The following TENM1 variants were observed in gnomAD, a reference collection of about 807,000 sequenced individuals.
TENM1 encodes the protein teneurin transmembrane protein 1.
In TENM1, 35 loss-of-function variants were observed where a neutral mutation model predicts 174.8. That is an observed-to-expected ratio of 0.20 (90% CI 0.15 to 0.27). TENM1 has a LOEUF of 0.27. TENM1 is among the 10% of genes least tolerant of loss of function. The pLI, the probability that TENM1 is intolerant of heterozygous loss-of-function variation, is 1.00. For synonymous variants in TENM1, 781 were observed against 798.7 expected, an observed-to-expected ratio of 0.98 and a Z score of 0.37; for missense variants, 1,633 against 2,130.1, an observed-to-expected ratio of 0.77 and a Z score of 4.59.
At chrX:124,424,758 T>C (rs1224736668) in intron 23 of TENM1, among the ~76,000 whole-genome samples, 2 of 111,081 alleles carry the variant, frequency 1.8e-5, no homozygotes, top group African/African-American at 6.6e-5. Flanking sequence ...CCCTTGGTAC[T>C]GTATAGTGAG....
chrX:124,992,214 C>T, the TENM1 span, among the ~76,000 whole-genome samples: 4 of 111,197 alleles, frequency 3.6e-5, no homozygotes, highest in African/African-American at 1.3e-4. Flanking sequence ...AAACTTCCTC[C>T]TGCTCCCCAC....
intron 14 of TENM1, among the ~76,000 whole-genome samples, chrX:124,560,412 G>A (rs1009081562): frequency 1.2e-4 from 13 of 110,396 alleles, no homozygotes; most frequent in African/African-American, 3.3e-4. Flanking sequence ...GGGAAAAATG[G>A]TAATATCATT....
intron 1 of TENM1, among the ~76,000 whole-genome samples, chrX:124,952,956 T>C (rs747970974): frequency 4.7e-4 from 53 of 111,748 alleles, no homozygotes; most frequent in African/African-American, 1.6e-3. Context: ...AATGAGAATA[T>C]TGTCAAGGTC....
chrX:124,926,756 G>C, intron 1 of TENM1, among the ~76,000 whole-genome samples: 1 of 112,065 alleles, frequency 8.9e-6, no homozygotes, highest in East Asian at 2.8e-4. Context: ...AGTTAATGCT[G>C]TACTGGAACT....
chrX:125,178,104 T>A, the TENM1 span, among the ~76,000 whole-genome samples: 3 of 111,272 alleles, frequency 2.7e-5, no homozygotes, highest in Non-Finnish European at 3.8e-5. Context: ...GTCTCTAAGA[T>A]GAGCAGCCTT....
chrX:124,560,250 T>C (rs2858441), intron 14 of TENM1, among the ~76,000 whole-genome samples: 21,665 of 103,467 alleles, frequency 0.21, 1,924 homozygotes, highest in South Asian at 0.39. Context: ...TGGTGTAGTT[T>C]ACTATCTTTC....
intron 25 of TENM1, among the ~76,000 whole-genome samples, chrX:124,411,202 A>G (rs768666091): frequency 7.6e-4 from 85 of 111,770 alleles, no homozygotes; most frequent in African/African-American, 2.6e-3. Flanking sequence ...CATATTTTGT[A>G]CCCATCCCTC....
At chrX:124,385,776 T>A in exon 29 of TENM1, 1 of 1,211,364 alleles carries the variant, frequency 8.3e-7, no homozygotes, top group Non-Finnish European at 1.1e-6. Context: ...GTGACCTGAG[T>A]GGTATCATAG....
chrX:124,675,170 C>T (rs1374753267), intron 5 of TENM1, among the ~76,000 whole-genome samples: 4 of 111,636 alleles, frequency 3.6e-5, no homozygotes, highest in African/African-American at 1.3e-4. Context: ...TCCCAGGGAA[C>T]AAGCTGTTTG....
intron 14 of TENM1, among the ~76,000 whole-genome samples, chrX:124,551,853 C>A (rs1283208965): frequency 1.8e-5 from 2 of 111,870 alleles, no homozygotes; most frequent in Non-Finnish European, 3.8e-5. Flanking sequence ...AGGATAGAGT[C>A]TTAGGGGTAG....
At chrX:124,804,917 G>T (rs2055553449) in intron 3 of TENM1, among the ~76,000 whole-genome samples, 1 of 111,516 alleles carries the variant, frequency 9.0e-6, no homozygotes, top group African/African-American at 3.3e-5. Flanking sequence ...AATATAGTTT[G>T]CAATTAAAAA....
chrX:124,500,528 A>G (rs2047306038), intron 19 of TENM1, among the ~76,000 whole-genome samples: 2 of 111,675 alleles, frequency 1.8e-5, no homozygotes, highest in African/African-American at 6.5e-5. Flanking sequence ...GAATCCAATG[A>G]TCCTAGGACA....
intron 3 of TENM1, among the ~76,000 whole-genome samples, chrX:124,744,917 C>T (rs900711897): frequency 9.8e-5 from 11 of 111,716 alleles, no homozygotes; most frequent in African/African-American, 2.6e-4. Context: ...AAAGATAGAA[C>T]GCAATGTTTG....
intron 12 of TENM1, among the ~76,000 whole-genome samples, chrX:124,564,795 G>A (rs1480748682): frequency 9.0e-6 from 1 of 111,402 alleles, no homozygotes; most frequent in Non-Finnish European, 1.9e-5. Flanking sequence ...TTCCCTTTGT[G>A]AAATTAGCAA....
At chrX:124,927,215 A>G (rs1210882324) in intron 1 of TENM1, among the ~76,000 whole-genome samples, 3 of 111,703 alleles carry the variant, frequency 2.7e-5, no homozygotes, top group African/African-American at 9.8e-5. Flanking sequence ...AAGTCACAGT[A>G]TGGATAACTA....
intron 3 of TENM1, among the ~76,000 whole-genome samples, chrX:124,846,156 CT>C (rs1469156768): frequency 8.2e-5 from 9 of 109,910 alleles, no homozygotes; most frequent in African/African-American, 3.0e-4. Flanking sequence ...ACCTTTAGTA[CT>C]TTTGTCCTGC....
At chrX:124,849,680 G>A (rs944026941) in intron 3 of TENM1, among the ~76,000 whole-genome samples, 2 of 111,597 alleles carry the variant, frequency 1.8e-5, no homozygotes, top group Non-Finnish European at 3.8e-5. Context: ...CCTGAGCAGA[G>A]GACCCAGTAG....
intron 3 of TENM1, among the ~76,000 whole-genome samples, chrX:124,842,756 C>T (rs748967296): frequency 9.0e-6 from 1 of 110,545 alleles, no homozygotes; most frequent in African/African-American, 3.3e-5. Flanking sequence ...TCCCAAACAC[C>T]CCATCTCCAA....
At chrX:124,888,798 G>C (rs748306298) in intron 3 of TENM1, among the ~76,000 whole-genome samples, 18 of 111,845 alleles carry the variant, frequency 1.6e-4, no homozygotes, top group Non-Finnish European at 2.6e-4. Context: ...ACTGTAAAGT[G>C]CTATATATCC....
Sources: gnomAD v4.1 joint callset for allele counts (sites outside exome capture counted in the v4.1 genomes callset) on GRCh38, gnomAD v4.1.1 for gene constraint, MANE v1.5 for transcripts, NCBI Gene and HGNC (gene_info 2026-07-23, HGNC 2026-07-21) for gene names.